The following OARD1 variants were observed in gnomAD, a reference collection of about 807,000 sequenced individuals.
The protein encoded by OARD1 is ADP-ribose glycohydrolase OARD1.
A neutral mutation model predicts 19.7 loss-of-function variants in OARD1; 19 were observed. The observed-to-expected ratio is 0.96, with a 90% CI of 0.67 to 1.41. OARD1 has a LOEUF of 1.41. Ranked by LOEUF, OARD1 falls within the 40% of genes most tolerant of loss-of-function variation. The pLI is 0.00. For synonymous variants in OARD1, 70 were observed against 61.8 expected (o/e 1.13, Z -0.62); for missense variants, 190 against 183.8 (o/e 1.03, Z -0.20).
At position 41,065,067 on chromosome 6, in the gene OARD1, T is replaced by C. The variant is rs970649978; in HGVS notation, c.*2268A>G. 2 of 152,162 alleles carry C rather than the reference T, an allele frequency of 1.3e-5. No individual in the cohort carries two copies. Among genetic ancestry groups the C allele is most frequent in the Non-Finnish European group, 2.9e-5 (2 of 68,028 alleles). The allele number at this position is 152,162 out of a possible 1,614,324, so 9.4% of individuals were successfully genotyped here. A position where few individuals can be genotyped will look rare whatever the true frequency, so the allele number is the denominator to read the frequency against. On this transcript the variant is annotated 3_prime_UTR_variant, in exon 6 of 6. Transcript: ENST00000424266. ...TCCTTTCCTCAGGCTTCAAGTGTGA[T>C]AAGTCGTCGGAATTTGACCCAAGAC... is the stretch of plus-strand genomic sequence containing the variant.
chr6:41,065,303 C>T lies in OARD1; in HGVS notation c.*2032G>A, dbSNP rs999447598. 1 of 152,168 alleles carries T rather than the reference C, an allele frequency of 6.6e-6. No homozygotes were observed. Among genetic ancestry groups the T allele is most frequent in the Non-Finnish European group, 1.5e-5 (1 of 68,030 alleles). 9.4% of individuals were successfully genotyped at this position (152,168 alleles called of 1,614,324 possible). A position where few individuals can be genotyped will look rare whatever the true frequency, so the allele number is the denominator to read the frequency against. ...CTTGTGTTAAGGTTTACAGATGGTACTCAATTTACAATGGTTTGTCTTGCA... is the reference window on the plus strand; with the variant it reads ...CTTGTGTTAAGGTTTACAGATGGTATTCAATTTACAATGGTTTGTCTTGCA... On this transcript the variant is annotated 3_prime_UTR_variant, in exon 6 of 6. Coordinates refer to ENST00000424266, the MANE Select transcript of OARD1 (RefSeq NM_001329686.2).
Position 41,068,845 on chromosome 6 carries a change from G to A in OARD1, c.352C>T (p.Pro118Ser), listed in dbSNP as rs1409563233. The change falls in exon 5 of 6, where the codon CCC becomes TCC. Residue 118 changes from proline to serine, a missense_variant. Coordinates refer to ENST00000424266, the MANE Select transcript of OARD1 (RefSeq NM_001329686.2). ...TAGGACCATGGATTTCCTTGCCTGG[G>A]CATGGAGAGGTCAGTGACTCCATTC... ...LKNGVTDLSM[P>S]RIGCGLDRLQ... The A allele has an allele frequency of 1.3e-6, 2 of 1,532,228 alleles. No homozygotes were observed. The highest frequency in any genetic ancestry group is 1.7e-5 in the Admixed American group (1 of 57,488). 94.9% of individuals were successfully genotyped at this position (1,532,228 alleles called of 1,614,324 possible).
chr6:41,095,390 CCTAT>C (rs1343333798), intron 1 of OARD1, among the ~76,000 whole-genome samples: 1 of 152,140 alleles, frequency 6.6e-6, no homozygotes, highest in Non-Finnish European at 1.5e-5. Context: ...TGTCTATCTC[CCTAT>C]CTGTTAGGTC....
chr6:41,091,430 G>A (rs10080924), intron 1 of OARD1: 176,840 of 1,190,468 alleles, frequency 0.15, 17,284 homozygotes, highest in African/African-American at 0.45. Context: ...TGCCAGGATC[G>A]GTGAGTGTAT....
rs143260426 is a variant in OARD1 at position 41,094,090 on chromosome 6, G to A, written c.-42+3623C>T. Among the ~76,000 whole-genome samples the A allele has an allele frequency of 2.3e-3, 354 of 152,248 alleles. 1 individual carries two copies. The highest frequency in any genetic ancestry group is 0.015 in the Admixed American group (236 of 15,300). ...TTACTGAACACTCATTTGCTCAAAC[G>A]AAATTTGGCCTGTTATTAAAGCAGA... On this transcript the variant is annotated intron_variant, in intron 1 of 4. Coordinates refer to the OARD1 transcript ENST00000480585.
intron 1 of OARD1, among the ~76,000 whole-genome samples, chr6:41,082,433 A>T (rs1201930591): frequency 6.6e-6 from 1 of 152,216 alleles, no homozygotes; most frequent in Admixed American, 6.5e-5. Context: ...TGTTTGATGC[A>T]TGTGTCTTTG....
chr6:41,094,439 A>G, intron 1 of OARD1: 1 of 1,614,224 alleles, frequency 6.2e-7, no homozygotes, highest in Non-Finnish European at 8.5e-7. Context: ...ATGGCACGGA[A>G]GCGTGGTGAA....
intron 1 of OARD1, chr6:41,097,534 A>G: frequency 1.0e-6 from 1 of 962,460 alleles, no homozygotes; most frequent in African/African-American, 1.6e-5. Flanking sequence ...GAAACCACTT[A>G]GTTTTTAATA....
rs1379586584 is a variant in OARD1, at chr6:41,070,207, T to C, written c.185-73A>G. 5 of 862,646 alleles carry C rather than the reference T, an allele frequency of 5.8e-6. No homozygotes were observed. The Admixed American group carries it at 1.1e-4, about 18-fold the overall frequency. 53.4% of individuals were successfully genotyped at this position (862,646 alleles called of 1,614,324 possible). A position where few individuals can be genotyped will look rare whatever the true frequency, so the allele number is the denominator to read the frequency against. Reference sequence around the variant, plus strand: ...CTGATCTCTAAAGATTTTAAAATGTTTACAGATCTGAGTTTACCTCAGAAC... The same window carrying C: ...CTGATCTCTAAAGATTTTAAAATGTCTACAGATCTGAGTTTACCTCAGAAC... On this transcript the variant is annotated intron_variant, in intron 3 of 5. Coordinates refer to ENST00000424266, the MANE Select transcript of OARD1 (RefSeq NM_001329686.2).
intron 1 of OARD1, chr6:41,083,923 T>A: frequency 1.1e-6 from 1 of 916,094 alleles, no homozygotes; most frequent in Non-Finnish European, 1.6e-6. Context: ...ACATATATTT[T>A]CTTAGTCTTT....
At chr6:41,094,027 AAAT>A (rs1348044167) in intron 1 of OARD1, among the ~76,000 whole-genome samples, 1 of 152,294 alleles carries the variant, frequency 6.6e-6, no homozygotes, top group South Asian at 2.1e-4. Context: ...TGTTTCTAGA[AAAT>A]AATAATAATA....
intron 1 of OARD1, among the ~76,000 whole-genome samples, chr6:41,095,366 A>G (rs1444789769): frequency 6.6e-6 from 1 of 152,160 alleles, no homozygotes; most frequent in Non-Finnish European, 1.5e-5. Flanking sequence ...TATGCCCTTT[A>G]TCTTTTTCAT....
chr6:41,086,021 CTT>C (rs1241610655), intron 1 of OARD1, among the ~76,000 whole-genome samples: 63 of 152,190 alleles, frequency 4.1e-4, no homozygotes, highest in Admixed American at 4.1e-3. Flanking sequence ...TCACATTTCT[CTT>C]TGCATAAATA....
intron 1 of OARD1, chr6:41,080,902 T>G: frequency 6.2e-7 from 1 of 1,612,218 alleles, no homozygotes; most frequent in Non-Finnish European, 8.5e-7. Context: ...CAGGTAGTGG[T>G]ACCCTCTCTG....
At chr6:41,067,510 A>G (rs1763078949) in intron 5 of OARD1, 73 bp from the exon 6 acceptor site, 1 of 995,328 alleles carries the variant, frequency 1.0e-6, no homozygotes, top group South Asian at 1.4e-5. Context: ...TTTAAGCTAT[A>G]TCCACTCAAA....
intron 1 of OARD1, among the ~76,000 whole-genome samples, chr6:41,088,828 G>A (rs1053985161): frequency 6.6e-5 from 10 of 150,954 alleles, no homozygotes; most frequent in African/African-American, 2.0e-4. Context: ...TAATCTGCTC[G>A]CCTCAGCCTC....
chr6:41,076,821 C>T (rs1763744177), upstream of OARD1, among the ~76,000 whole-genome samples: 1 of 152,320 alleles, frequency 6.6e-6, no homozygotes, highest in Non-Finnish European at 1.5e-5. Flanking sequence ...CTAACTGAAG[C>T]TCACAGTAGT....
At chr6:41,089,552 A>G (rs1162099955) in intron 1 of OARD1, 3 of 1,589,892 alleles carry the variant, frequency 1.9e-6, no homozygotes, top group East Asian at 2.3e-5. Flanking sequence ...GTAGAGTACA[A>G]TCCTTTTTTT....
At chr6:41,086,890 GA>G (rs1220826164) in intron 1 of OARD1, among the ~76,000 whole-genome samples, 1 of 152,062 alleles carries the variant, frequency 6.6e-6, no homozygotes, top group African/African-American at 2.4e-5. Context: ...TCTAAATGTA[GA>G]AAAGTAAACT....
Sources: gnomAD v4.1 joint callset for allele counts (sites outside exome capture counted in the v4.1 genomes callset) on GRCh38, gnomAD v4.1.1 for gene constraint, MANE v1.5 for transcripts, NCBI Gene and HGNC (gene_info 2026-07-23, HGNC 2026-07-21) for gene names.